Variants in NCOA7 observed in about 807,000 individuals in gnomAD.
NCOA7 encodes 140 kDa estrogen receptor-associated protein.
NCOA7 carries 45 observed loss-of-function variants against 104.3 expected under a neutral mutation model. The ratio of observed to expected loss-of-function variants is 0.43; its 90% CI spans 0.34 to 0.55. The LOEUF (loss-of-function observed/expected upper bound fraction) is 0.55, where lower values mean the gene tolerates loss of function less well. Ranked by LOEUF, NCOA7 falls within the 20% of genes least tolerant of loss-of-function variation. The pLI, the probability that NCOA7 is intolerant of heterozygous loss-of-function variation, is 0.02. For missense variants in NCOA7, 1,041 were observed against 1,119.7 expected (o/e 0.93, Z 1.00); for synonymous variants, 398 against 402.3 (o/e 0.99, Z 0.13).
intron 1 of NCOA7, among the ~76,000 whole-genome samples, chr6:125,800,730 TA>T (rs1034082931): frequency 2.0e-5 from 3 of 152,122 alleles, no homozygotes; most frequent in Non-Finnish European, 2.9e-5. Flanking sequence ...ACAATAATTA[TA>T]AAATGACACA....
intron 1 of NCOA7, among the ~76,000 whole-genome samples, chr6:125,801,863 A>C (rs1197058310): frequency 6.6e-6 from 1 of 152,228 alleles, no homozygotes; most frequent in African/African-American, 2.4e-5. Flanking sequence ...ATAAGATCAC[A>C]TTCTGGAGTA....
chr6:125,816,727 T>C (rs1207800527), intron 2 of NCOA7, among the ~76,000 whole-genome samples: 1 of 152,190 alleles, frequency 6.6e-6, no homozygotes, highest in African/African-American at 2.4e-5. Context: ...GTATTCTTTA[T>C]CCATAGTACA....
Position 125,915,585 on chromosome 6 carries a change from G to T in NCOA7, c.2244+105G>T, listed in dbSNP as rs377239366. The T allele has an allele frequency of 2.5e-4, 350 of 1,376,472 alleles. No individual in the cohort carries two copies. In the African/African-American group the frequency reaches 4.3e-3, roughly 17 times the overall value. 85.3% of individuals were successfully genotyped at this position (1,376,472 alleles called of 1,614,324 possible). A position where few individuals can be genotyped will look rare whatever the true frequency, so the allele number is the denominator to read the frequency against. On this transcript the variant is annotated intron_variant, in intron 11 of 15. Transcript: ENST00000392477. ...GCTGGTAAGAAACTAGAGTCCCTGT[G>T]CACCTATGAAATTACAGAGGAAAAT...
chr6:125,821,163 C>G (rs938533292), intron 2 of NCOA7, among the ~76,000 whole-genome samples: 22 of 152,020 alleles, frequency 1.4e-4, no homozygotes, highest in African/African-American at 5.3e-4. Flanking sequence ...GCATCTTACC[C>G]CAGGGATGAG....
intron 1 of NCOA7, among the ~76,000 whole-genome samples, chr6:125,799,203 C>T (rs1174924195): frequency 1.3e-5 from 2 of 152,136 alleles, no homozygotes; most frequent in Non-Finnish European, 2.9e-5. Flanking sequence ...GGGTCAGAAT[C>T]CTCAGTAATC....
chr6:125,808,639 T>C (rs186274640), intron 1 of NCOA7, among the ~76,000 whole-genome samples: 17 of 152,354 alleles, frequency 1.1e-4, no homozygotes, highest in Admixed American at 4.6e-4. Flanking sequence ...TGGGAATCTA[T>C]GTGATGATAT....
chr6:125,800,171 G>A (rs937208113), intron 1 of NCOA7, among the ~76,000 whole-genome samples: 7 of 152,156 alleles, frequency 4.6e-5, no homozygotes, highest in Non-Finnish European at 8.8e-5. Context: ...AGACAATTTT[G>A]TGAATCTGTC....
intron 7 of NCOA7, among the ~76,000 whole-genome samples, chr6:125,884,656 T>C (rs1784118151): frequency 6.6e-6 from 1 of 152,220 alleles, no homozygotes; most frequent in Non-Finnish European, 1.5e-5. Context: ...ATATGGGCTT[T>C]CTAAATATTT....
chr6:125,813,795 C>G (rs1408559001), intron 1 of NCOA7, among the ~76,000 whole-genome samples: 1 of 152,030 alleles, frequency 6.6e-6, no homozygotes, highest in Non-Finnish European at 1.5e-5. Context: ...CTCAGGATAC[C>G]TGGGGTGGGC....
intron 3 of NCOA7, among the ~76,000 whole-genome samples, chr6:125,858,852 C>T (rs1439845484): frequency 2.6e-5 from 4 of 152,030 alleles, no homozygotes; most frequent in Admixed American, 2.0e-4. Flanking sequence ...TCTGACCTGG[C>T]GTGTTTCTCA....
upstream of NCOA7, chr6:125,790,771 ACGGGGGGCGCAGCTGCGGGGCTGG>A (rs2128541941): frequency 1.3e-5 from 2 of 152,396 alleles, no homozygotes; most frequent in South Asian, 4.1e-4. Context: ...CCATGCCCTG[ACGGGGGGCGCAGCTGCGGGGCTGG>A]CGAGGCGTCG....
At chr6:125,797,840 C>G (rs1237559615) in intron 1 of NCOA7, 1 of 152,170 alleles carries the variant, frequency 6.6e-6, no homozygotes. Flanking sequence ...ACTGAAACAA[C>G]TAGTCAGCAA....
chr6:125,874,150 C>T (rs917866846), intron 3 of NCOA7, among the ~76,000 whole-genome samples: 6 of 152,268 alleles, frequency 3.9e-5, no homozygotes, highest in Non-Finnish European at 4.4e-5. Context: ...CATGGCGAAA[C>T]CCTGTCTCTA....
intron 10 of NCOA7, among the ~76,000 whole-genome samples, chr6:125,906,290 A>T (rs558827960): frequency 6.6e-6 from 1 of 152,306 alleles, no homozygotes; most frequent in East Asian, 1.9e-4. Flanking sequence ...AGAACAGTAC[A>T]ATAGAGAATC....
chr6:125,796,994 T>C (rs1394060716), intron 1 of NCOA7, among the ~76,000 whole-genome samples: 1 of 152,220 alleles, frequency 6.6e-6, no homozygotes, highest in Non-Finnish European at 1.5e-5. Flanking sequence ...TTGCTTACTT[T>C]ACTAATTCTC....
chr6:125,795,729 C>A (rs776555107), intron 1 of NCOA7, among the ~76,000 whole-genome samples: 1 of 152,134 alleles, frequency 6.6e-6, no homozygotes, highest in Non-Finnish European at 1.5e-5. Flanking sequence ...AAGGAATCTG[C>A]ACATCTTACC....
At chr6:125,874,297 C>T (rs71563687) in intron 3 of NCOA7, among the ~76,000 whole-genome samples, 11 of 152,322 alleles carry the variant, frequency 7.2e-5, no homozygotes, top group Non-Finnish European at 1.3e-4. Context: ...TGCACTCCAG[C>T]CTGGGTGACA....
chr6:125,930,957 TA>T lies in NCOA7; in HGVS notation c.*2187del, dbSNP rs1562202647. ...CACTCTGACCTAGTTTAGTCCATGA[TA>T]CTATAATTGTGAGAGCATATCCAGA... On this transcript the variant is annotated 3_prime_UTR_variant, in exon 16 of 16. Transcript: ENST00000392477. The T allele has an allele frequency of 6.5e-6, 1 of 152,696 alleles. No homozygotes were observed. Among genetic ancestry groups the T allele is most frequent in the African/African-American group, 2.4e-5 (1 of 41,480 alleles). 9.5% of individuals were successfully genotyped at this position (152,696 alleles called of 1,614,324 possible).
At chr6:125,820,995 A>AT (rs757359324) in intron 2 of NCOA7, among the ~76,000 whole-genome samples, 4 of 152,064 alleles carry the variant, frequency 2.6e-5, no homozygotes, top group Non-Finnish European at 5.9e-5. Context: ...GTACTTTTAG[A>AT]TATATTAATT....
Sources: gnomAD v4.1 joint callset for allele counts (sites outside exome capture counted in the v4.1 genomes callset) on GRCh38, gnomAD v4.1.1 for gene constraint, MANE v1.5 for transcripts, NCBI Gene and HGNC (gene_info 2026-07-23, HGNC 2026-07-21) for gene names.